The following CACNB4 variants were observed in gnomAD, a reference collection of about 807,000 sequenced individuals.
CACNB4 encodes voltage-dependent L-type calcium channel subunit beta-4.
In CACNB4, 32 loss-of-function variants were observed where a neutral mutation model predicts 71.2. The observed-to-expected ratio is 0.45, with a 90% CI of 0.34 to 0.60. The LOEUF (loss-of-function observed/expected upper bound fraction) is 0.60, where lower values mean the gene tolerates loss of function less well. CACNB4 is among the 20% of genes least tolerant of loss of function. CACNB4 has a pLI of 0.01. For missense variants in CACNB4, 464 were observed against 647.9 expected, an observed-to-expected ratio of 0.72 and a Z score of 3.08; for synonymous variants, 231 against 236.9, an observed-to-expected ratio of 0.97 and a Z score of 0.23.
chr2:151,867,931 T>C (rs1207699746), intron 9 of CACNB4: 1 of 152,212 alleles, frequency 6.6e-6, no homozygotes, highest in Non-Finnish European at 1.5e-5. Flanking sequence ...TAAGCTTCCA[T>C]TGTGTTTGAA....
intron 2 of CACNB4, among the ~76,000 whole-genome samples, chr2:151,966,051 T>G (rs538482187): frequency 6.6e-6 from 1 of 152,326 alleles, no homozygotes; most frequent in Admixed American, 6.5e-5. Flanking sequence ...AAATGGCATA[T>G]GGTGACATTT....
intron 2 of CACNB4, among the ~76,000 whole-genome samples, chr2:151,937,318 G>C (rs2099863149): frequency 6.6e-6 from 1 of 152,058 alleles, no homozygotes; most frequent in Non-Finnish European, 1.5e-5. Flanking sequence ...TTCTTTTTAA[G>C]TGTTAGAGTT....
At chr2:152,022,827 C>T (rs1683744625) in intron 2 of CACNB4, among the ~76,000 whole-genome samples, 1 of 152,144 alleles carries the variant, frequency 6.6e-6, no homozygotes, top group Non-Finnish European at 1.5e-5. Flanking sequence ...TGATCATGTA[C>T]AGGACTCAAA....
At position 152,061,326 on chromosome 2, in the gene CACNB4, T is replaced by C. The variant is rs569082526; in HGVS notation, c.147+37004A>G. 6.4e-4 allele frequency among the ~76,000 whole-genome samples: 97 copies of C among 152,184 alleles called. 1 individual carries two copies. The highest frequency in any genetic ancestry group is 2.2e-3 in the African/African-American group (92 of 41,516). The stretch of plus-strand genomic sequence containing the variant: ...GATCCTGTCTCTAAAAAAAAATTAA[T>C]TTAGTTTTTAAAAATATCTGAAATT... On this transcript the variant is annotated intron_variant, in intron 2 of 13. Transcript: ENST00000539935.
rs114191147 is a variant in CACNB4 at position 152,082,971 on chromosome 2, C to A, written c.147+15359G>T. Among the ~76,000 whole-genome samples, 1,305 of 152,264 alleles carry A rather than the reference C, an allele frequency of 8.6e-3. 22 individuals are homozygous for A. The highest frequency in any genetic ancestry group is 0.03 in the African/African-American group (1,246 of 41,540). On this transcript the variant is annotated intron_variant, in intron 2 of 13. Transcript: ENST00000539935. ...TTACCACACTTAAAACAATATCTAA[C>A]TCATGAAGTGACTGAAAGTTGTGGT...
At chr2:152,048,411 A>C (rs546852600) in intron 2 of CACNB4, 2 of 152,462 alleles carry the variant, frequency 1.3e-5, no homozygotes, top group African/African-American at 4.8e-5. Context: ...AGGGGCCATC[A>C]GCAGACGGCC....
chr2:151,995,541 A>T (rs750246632), intron 2 of CACNB4, among the ~76,000 whole-genome samples: 7 of 152,190 alleles, frequency 4.6e-5, no homozygotes, highest in Non-Finnish European at 7.4e-5. Flanking sequence ...CCCCGTCTCT[A>T]CTAAAAATGC....
rs1290103052 is a variant in CACNB4, at chr2:151,839,394, T to C, written c.1303-15A>G. 3.8e-6 allele frequency: 6 copies of C among 1,586,304 alleles called. No individual in the cohort carries two copies. Among genetic ancestry groups the C allele is most frequent in the Non-Finnish European group, 5.2e-6 (6 of 1,158,574 alleles). On this transcript the variant is annotated splice_polypyrimidine_tract_variant and intron_variant, in intron 13 of 13. Coordinates refer to ENST00000539935, the MANE Select transcript of CACNB4 (RefSeq NM_000726.5). ...ATTCGCTGACTCTAAAAATATCAGATAGTTCATTGATTAAATAATGTCAGC... is the reference window on the plus strand; with the variant it reads ...ATTCGCTGACTCTAAAAATATCAGACAGTTCATTGATTAAATAATGTCAGC...
At chr2:151,897,528 A>G (rs1206052761) in intron 2 of CACNB4, among the ~76,000 whole-genome samples, 3 of 152,268 alleles carry the variant, frequency 2.0e-5, no homozygotes, top group African/African-American at 7.2e-5. Context: ...ACAAATAGAA[A>G]AAAAAGTAAC....
rs1427629920 is a variant in CACNB4, at chr2:151,954,896, T to C, written c.148-71526A>G. Among the ~76,000 whole-genome samples, 11 of 145,770 alleles carry C rather than the reference T, an allele frequency of 7.5e-5. No individual in the cohort carries two copies. The South Asian group carries it at 1.4e-3, about 18-fold the overall frequency. On this transcript the variant is annotated intron_variant, in intron 2 of 13. Transcript: ENST00000539935. ...TGAGATGGAGTCTCGCTCTGTTGTC[T>C]GGGCTGGAGTGCAGTGGGGCGATCT...
intron 12 of CACNB4, among the ~76,000 whole-genome samples, chr2:151,847,712 A>G (rs2099837957): frequency 6.6e-6 from 1 of 152,060 alleles, no homozygotes; most frequent in Non-Finnish European, 1.5e-5. Flanking sequence ...AAAAATACAA[A>G]AATCTCTTTT....
At position 151,924,073 on chromosome 2, in the gene CACNB4, C is replaced by CTTTTTTTTTT. The variant is rs59036016; in HGVS notation, c.148-40713_148-40704dup. Among the ~76,000 whole-genome samples, 12 of 91,416 alleles carry CTTTTTTTTTT rather than the reference C, an allele frequency of 1.3e-4. 1 individual carries two copies. Among genetic ancestry groups the CTTTTTTTTTT allele is most frequent in the Non-Finnish European group, 1.6e-4 (8 of 51,610 alleles). 60.0% of individuals were successfully genotyped at this position (91,416 alleles called of 152,430 possible). ...ACGTGCGTGTAATCTATTCTGAAAT[C>CTTTTTTTTTT]TTTTTTTTTTTTTTTTTTTTTTTGA... On this transcript the variant is annotated intron_variant, in intron 2 of 13. Coordinates refer to ENST00000539935, the MANE Select transcript of CACNB4 (RefSeq NM_000726.5).
intron 2 of CACNB4, among the ~76,000 whole-genome samples, chr2:152,026,234 T>A (rs1415418827): frequency 7.9e-5 from 12 of 152,162 alleles, no homozygotes; most frequent in Admixed American, 7.2e-4. Flanking sequence ...TGGATCTTAC[T>A]CCAGGACAGG....
At chr2:152,004,187 G>A (rs781387683) in intron 2 of CACNB4, among the ~76,000 whole-genome samples, 5 of 152,112 alleles carry the variant, frequency 3.3e-5, no homozygotes, top group Non-Finnish European at 7.4e-5. Context: ...GCTATATCCT[G>A]AATAAGTAAG....
chr2:152,022,866 G>A (rs916290968), intron 2 of CACNB4, among the ~76,000 whole-genome samples: 2 of 152,150 alleles, frequency 1.3e-5, no homozygotes, highest in African/African-American at 4.8e-5. Flanking sequence ...CAGATGATCA[G>A]GGTAAAGGAA....
At chr2:151,979,951 C>A (rs1579065145) in intron 2 of CACNB4, among the ~76,000 whole-genome samples, 2 of 152,284 alleles carry the variant, frequency 1.3e-5, no homozygotes, top group Admixed American at 1.3e-4. Context: ...AAATCAGCCA[C>A]CAACTTACTA....
At chr2:152,012,100 A>T (rs964263666) in intron 2 of CACNB4, among the ~76,000 whole-genome samples, 7 of 34,994 alleles carry the variant, frequency 2.0e-4, no homozygotes, top group Admixed American at 2.4e-4. Flanking sequence ...CTATTTATTA[A>T]AAAAAAAAAA....
intron 2 of CACNB4, among the ~76,000 whole-genome samples, chr2:151,925,763 G>A (rs2099860082): frequency 6.6e-6 from 1 of 152,126 alleles, no homozygotes; most frequent in African/African-American, 2.4e-5. Context: ...GGTGTAGGGG[G>A]CAACAGCAAG....
At chr2:151,850,740 T>C (rs1480403036) in intron 12 of CACNB4, 1 of 152,208 alleles carries the variant, frequency 6.6e-6, no homozygotes, top group African/African-American at 2.4e-5. Flanking sequence ...AAAATACACA[T>C]TGGCATATTC....
Sources: gnomAD v4.1 joint callset for allele counts (sites outside exome capture counted in the v4.1 genomes callset) on GRCh38, gnomAD v4.1.1 for gene constraint, MANE v1.5 for transcripts, NCBI Gene and HGNC (gene_info 2026-07-23, HGNC 2026-07-21) for gene names.